The following BCAS3 variants were observed in gnomAD, a reference collection of about 807,000 sequenced individuals.
BCAS3 encodes the protein BCAS4/BCAS3 fusion.
BCAS3 carries 53 observed loss-of-function variants against 116.1 expected under a neutral mutation model. The observed-to-expected ratio is 0.46, with a 90% CI of 0.37 to 0.57. The LOEUF (loss-of-function observed/expected upper bound fraction) is 0.57, where lower values mean the gene tolerates loss of function less well. BCAS3 is among the 20% of genes least tolerant of loss of function. The probability of loss-of-function intolerance (pLI) is 0.00; values close to 1 mark genes in which losing one functional copy is unlikely to be tolerated. For missense variants in BCAS3, 917 were observed against 1,165.4 expected (o/e 0.79, Z 3.10); for synonymous variants, 391 against 408.2 (o/e 0.96, Z 0.51).
rs1292082082 is a variant in BCAS3 at position 61,144,583 on chromosome 17, A to G, written c.2425+60019A>G. 6.6e-6 allele frequency among the ~76,000 whole-genome samples: 1 copy of G among 152,202 alleles called. No homozygotes were observed. On this transcript the variant is annotated intron_variant, in intron 22 of 23. Transcript: ENST00000407086. This position sits in a 1 kb window ranked among gnomAD's most constrained non-coding sequence, Gnocchi z 5.0. ...AAATGTTTGGCCTAATATTTTTTAT[A>G]ACATCTCTGTGAAAGTTTGAAAATT...
chr17:60,834,362 G>C (rs1227131622), intron 7 of BCAS3, among the ~76,000 whole-genome samples: 1 of 151,950 alleles, frequency 6.6e-6, no homozygotes, highest in Non-Finnish European at 1.5e-5. Flanking sequence ...AATGTTTCCT[G>C]TTCTGTCTTG....
chr17:60,858,973 C>T (rs775930512), intron 7 of BCAS3, among the ~76,000 whole-genome samples: 25 of 152,038 alleles, frequency 1.6e-4, no homozygotes, highest in Non-Finnish European at 2.5e-4. Flanking sequence ...ATAGAATTAT[C>T]GTCATTTTAT....
At chr17:60,855,452 AT>A (rs565603643) in intron 7 of BCAS3, among the ~76,000 whole-genome samples, 376 of 125,748 alleles carry the variant, frequency 3.0e-3, no homozygotes, top group African/African-American at 4.6e-3. Context: ...CTATTTTTAA[AT>A]TTTTTTTTTT....
Position 61,239,802 on chromosome 17 carries a change from C to A in BCAS3, c.2426-128525C>A, listed in dbSNP as rs2083322670. Among the ~76,000 whole-genome samples, 1 of 152,096 alleles carries A rather than the reference C, an allele frequency of 6.6e-6. No individual in the cohort carries two copies. Among genetic ancestry groups the A allele is most frequent in the Non-Finnish European group, 1.5e-5 (1 of 68,024 alleles). The stretch of plus-strand genomic sequence containing the variant: ...TTGATACCAGTTGGAATAGTAAAGA[C>A]CAAAGGAGAAATTGTGAGTTAATGT... On this transcript the variant is annotated intron_variant, in intron 22 of 23. Transcript: ENST00000407086. The surrounding 1 kb of genome is among the most constrained non-coding windows in gnomAD (Gnocchi z 4.2).
rs2069389951 is a variant in BCAS3 at position 61,056,398 on chromosome 17, TA to T, written c.2029+15510del. Among the ~76,000 whole-genome samples, 2 of 152,032 alleles carry T rather than the reference TA, an allele frequency of 1.3e-5. No homozygotes were observed. Among genetic ancestry groups the T allele is most frequent in the Admixed American group, 1.3e-4 (2 of 15,262 alleles). On this transcript the variant is annotated intron_variant, in intron 19 of 23. Coordinates refer to ENST00000407086, the MANE Select transcript of BCAS3 (RefSeq NM_017679.5). The surrounding 1 kb of genome is among the most constrained non-coding windows in gnomAD (Gnocchi z 4.9). ...TTGAAATATGTTGGGACAGGAAAAATAAAAGACTGAGAACCACTTATTTTGC... is the reference window on the plus strand; with the variant it reads ...TTGAAATATGTTGGGACAGGAAAAATAAAGACTGAGAACCACTTATTTTGC...
intron 13 of BCAS3, 139 bp from the exon 14 acceptor site, chr17:60,947,080 T>A: frequency 7.5e-6 from 6 of 802,392 alleles, no homozygotes; most frequent in Non-Finnish European, 9.6e-6. Context: ...ATTTTATTTT[T>A]TTCTTTTGTA....
rs1426220932 is a variant in BCAS3 at position 60,997,701 on chromosome 17, C to T, written c.1486+7466C>T. Among the ~76,000 whole-genome samples, 3 of 152,198 alleles carry T rather than the reference C, an allele frequency of 2.0e-5. No homozygotes were observed. In the East Asian group the frequency reaches 5.8e-4, roughly 29 times the overall value. The stretch of plus-strand genomic sequence containing the variant: ...CTACACCTAAGTTACTTTCTCCCTA[C>T]TTCTTCAGGTACACATTCAACCCCA... On this transcript the variant is annotated intron_variant, in intron 15 of 23. Coordinates refer to ENST00000407086, the MANE Select transcript of BCAS3 (RefSeq NM_017679.5).
In BCAS3 at chr17:61,347,582, A is replaced by G. The variant is rs1441529624; in HGVS notation, c.2426-20745A>G. On this transcript the variant is annotated intron_variant, in intron 22 of 23. Transcript: ENST00000407086. The surrounding 1 kb of genome is among the most constrained non-coding windows in gnomAD (Gnocchi z 4.3). ...AGGAACTTACAGTCTAGTGGGAAGAATAGGGCCATAAAATATTTTATTGCT... is the reference window on the plus strand; with the variant it reads ...AGGAACTTACAGTCTAGTGGGAAGAGTAGGGCCATAAAATATTTTATTGCT... Among the ~76,000 whole-genome samples, 2 of 152,230 alleles carry G rather than the reference A, an allele frequency of 1.3e-5. No homozygotes were observed. Among genetic ancestry groups the G allele is most frequent in the Non-Finnish European group, 2.9e-5 (2 of 68,038 alleles).
At chr17:61,039,425 A>AT (rs879447860) in intron 18 of BCAS3, among the ~76,000 whole-genome samples, 55 of 145,416 alleles carry the variant, frequency 3.8e-4, no homozygotes, top group Non-Finnish European at 2.7e-4. Context: ...TTGTGTGAAC[A>AT]TTTTTTTTTT....
chr17:60,709,833 G>A (rs1249152636), intron 5 of BCAS3, among the ~76,000 whole-genome samples: 1 of 152,062 alleles, frequency 6.6e-6, no homozygotes, highest in Admixed American at 6.6e-5. Flanking sequence ...TGCCTTTTTT[G>A]GGTGACCAAA....
chr17:60,708,488 A>G (rs1294277657), intron 4 of BCAS3, among the ~76,000 whole-genome samples: 1 of 152,064 alleles, frequency 6.6e-6, no homozygotes, highest in Non-Finnish European at 1.5e-5. Flanking sequence ...TCTCCAGAGT[A>G]TCTAGTACTG....
At chr17:61,054,086 T>C (rs2069133838) in intron 19 of BCAS3, among the ~76,000 whole-genome samples, 1 of 152,252 alleles carries the variant, frequency 6.6e-6, no homozygotes, top group Admixed American at 6.5e-5. Flanking sequence ...AATGATGGAC[T>C]TAAAGTTTGT....
chr17:60,987,571 G>A (rs1010149011), intron 14 of BCAS3, among the ~76,000 whole-genome samples: 31 of 151,272 alleles, frequency 2.0e-4, no homozygotes, highest in African/African-American at 7.2e-4. Flanking sequence ...TTTGTTAATC[G>A]CTAGTTATTT....
In BCAS3 at chr17:61,140,340, T is replaced by C. The variant is rs2076852607; in HGVS notation, c.2425+55776T>C. On this transcript the variant is annotated intron_variant, in intron 22 of 23. Coordinates refer to ENST00000407086, the MANE Select transcript of BCAS3 (RefSeq NM_017679.5). This position sits in a 1 kb window ranked among gnomAD's most constrained non-coding sequence, Gnocchi z 4.2. ...TAGCAAAGGATATGTGAGGGATAGC[T>C]GTGGAAGATCCAACTGTCAAGGAAG... Among the ~76,000 whole-genome samples the C allele has an allele frequency of 6.6e-6, 1 of 152,198 alleles. No individual in the cohort carries two copies. Among genetic ancestry groups the C allele is most frequent in the South Asian group, 2.1e-4 (1 of 4,836 alleles).
At chr17:60,921,463 AT>A (rs1436006300) in intron 12 of BCAS3, among the ~76,000 whole-genome samples, 1 of 151,854 alleles carries the variant, frequency 6.6e-6, no homozygotes, top group East Asian at 1.9e-4. Context: ...AATACAAAAA[AT>A]TAGCCGGGCG....
Position 61,088,377 on chromosome 17 carries a change from A to C in BCAS3, c.2425+3813A>C, listed in dbSNP as rs1419175396. ...CAGTTGCTCACTTTTTCCCATATCC[A>C]GCTGATGAACAACAATGTCGATGAA... On this transcript the variant is annotated intron_variant, in intron 22 of 23. Transcript: ENST00000407086. This position sits in a 1 kb window ranked among gnomAD's most constrained non-coding sequence, Gnocchi z 4.2. Among the ~76,000 whole-genome samples, 1 of 152,244 alleles carries C rather than the reference A, an allele frequency of 6.6e-6. No individual in the cohort carries two copies.
chr17:61,237,476 C>A (rs1236482082), intron 22 of BCAS3, among the ~76,000 whole-genome samples: 1 of 152,210 alleles, frequency 6.6e-6, no homozygotes, highest in African/African-American at 2.4e-5. Flanking sequence ...CCACTGAGGC[C>A]CCCTAGCAGG....
At chr17:60,779,941 G>C (rs1401778749) in intron 6 of BCAS3, among the ~76,000 whole-genome samples, 1 of 151,622 alleles carries the variant, frequency 6.6e-6, no homozygotes, top group Non-Finnish European at 1.5e-5. Flanking sequence ...GGTGTCTATT[G>C]CAATATTTTT....
intron 19 of BCAS3, among the ~76,000 whole-genome samples, chr17:61,059,151 C>T (rs1038742173): frequency 6.1e-5 from 8 of 132,020 alleles, no homozygotes; most frequent in African/African-American, 1.7e-4. Flanking sequence ...GGCACAATCT[C>T]GGCTCGCTGC....
Sources: gnomAD v4.1 joint callset for allele counts (sites outside exome capture counted in the v4.1 genomes callset) on GRCh38, gnomAD v4.1.1 for gene constraint, Gnocchi (gnomAD v3.1) non-coding constraint, MANE v1.5 for transcripts, NCBI Gene and HGNC (gene_info 2026-07-23, HGNC 2026-07-21) for gene names.